Variants in STARD13 observed in about 807,000 individuals in gnomAD.
The protein encoded by STARD13 is stAR-related lipid transfer protein 13.
A neutral mutation model predicts 106.4 loss-of-function variants in STARD13; 62 were observed. The observed-to-expected ratio is 0.58, with a 90% CI of 0.48 to 0.72. STARD13 has a LOEUF of 0.72. Ranked by LOEUF, STARD13 falls within the 30% of genes least tolerant of loss-of-function variation. STARD13 has a pLI of 0.00. For missense variants in STARD13, 1,387 were observed against 1,424.0 expected (o/e 0.97, Z 0.42); for synonymous variants, 565 against 553.0 (o/e 1.02, Z -0.31).
the STARD13 span, among the ~76,000 whole-genome samples, chr13:33,406,262 C>T: frequency 1.2e-4 from 19 of 152,178 alleles, no homozygotes; most frequent in Non-Finnish European, 2.2e-4. Context: ...CTGACATAGC[C>T]GAAGAACAAT....
At chr13:33,434,334 T>C in the STARD13 span, among the ~76,000 whole-genome samples, 13 of 106,930 alleles carry the variant, frequency 1.2e-4, no homozygotes, top group Non-Finnish European at 1.9e-4. Context: ...GCCTGGATGA[T>C]AGAGCAAGAC....
At chr13:33,316,068 C>T (rs1397607753) in intron 1 of STARD13, among the ~76,000 whole-genome samples, 1 of 152,146 alleles carries the variant, frequency 6.6e-6, no homozygotes, top group Non-Finnish European at 1.5e-5. Context: ...AAATCACTGT[C>T]GTGATGTACA....
intron 1 of STARD13, among the ~76,000 whole-genome samples, chr13:33,253,644 C>T (rs1251087355): frequency 2.0e-5 from 3 of 152,186 alleles, no homozygotes; most frequent in Admixed American, 6.5e-5. Flanking sequence ...TTCTCGGCCA[C>T]CTCTGCTGAC....
chr13:33,393,941 C>T, the STARD13 span, among the ~76,000 whole-genome samples: 5 of 152,068 alleles, frequency 3.3e-5, no homozygotes, highest in Non-Finnish European at 7.4e-5. Context: ...AGCATTTTAC[C>T]GAGTAGTTCA....
At chr13:33,193,720 A>G (rs747027632) in intron 1 of STARD13, among the ~76,000 whole-genome samples, 5 of 152,176 alleles carry the variant, frequency 3.3e-5, no homozygotes, top group Non-Finnish European at 5.9e-5. Flanking sequence ...TGGCTGTGAC[A>G]TGGTATTTGA....
chr13:33,517,134 C>T, the STARD13 span, among the ~76,000 whole-genome samples: 1 of 151,874 alleles, frequency 6.6e-6, no homozygotes, highest in African/African-American at 2.4e-5. Flanking sequence ...ACCTATGGGG[C>T]TCAGTTTGAT....
chr13:33,624,577 G>C, the STARD13 span, among the ~76,000 whole-genome samples: 1 of 152,144 alleles, frequency 6.6e-6, no homozygotes, highest in South Asian at 2.1e-4. Context: ...CCCAGCATTG[G>C]AGATCTAGCA....
chr13:33,113,901 C>A (rs916529435), intron 8 of STARD13, among the ~76,000 whole-genome samples: 1 of 152,170 alleles, frequency 6.6e-6, no homozygotes, highest in African/African-American at 2.4e-5. Context: ...CCTCTCACTG[C>A]GAAAGACACC....
the STARD13 span, among the ~76,000 whole-genome samples, chr13:33,503,360 G>GT: frequency 3.9e-5 from 6 of 152,174 alleles, no homozygotes; most frequent in African/African-American, 9.6e-5. Flanking sequence ...TTTTTGAAGG[G>GT]TTTTTTGTGT....
chr13:33,639,673 T>C, the STARD13 span, among the ~76,000 whole-genome samples: 1 of 152,244 alleles, frequency 6.6e-6, no homozygotes. Flanking sequence ...AAACAGACTG[T>C]CACTTACTCC....
Position 33,130,103 on chromosome 13 carries a change from C to T in STARD13, c.574G>A (p.Glu192Lys), listed in dbSNP as rs769949937. The change falls in exon 5 of 14, where the codon GAG (glutamate) becomes AAG (lysine). Residue 192 changes from glutamate (E) to lysine (K), a missense_variant. By Grantham distance (56) the Glu-to-Lys change is moderately conservative. Coordinates refer to ENST00000336934, the MANE Select transcript of STARD13 (RefSeq NM_178006.4). The surrounding 1 kb of genome is among the most constrained non-coding windows in gnomAD (Gnocchi z 4.1). ...SSESVLTDLS[E>K]PEVCSIHSES... Reference sequence around the variant, plus strand: ...CTGTGAATGGAGCAGACCTCAGGCTCGCTCAGGTCTGTGAGGACGCTCTCA... The same window carrying T: ...CTGTGAATGGAGCAGACCTCAGGCTTGCTCAGGTCTGTGAGGACGCTCTCA... 5.0e-6 allele frequency: 8 copies of T among 1,614,032 alleles called. No individual in the cohort carries two copies. Among genetic ancestry groups the T allele is most frequent in the East Asian group, 2.2e-5 (1 of 44,874 alleles).
At chr13:33,151,649 C>G (rs565531325) in intron 3 of STARD13, among the ~76,000 whole-genome samples, 5 of 152,254 alleles carry the variant, frequency 3.3e-5, no homozygotes, top group African/African-American at 9.6e-5. Flanking sequence ...GGGGCTAGAT[C>G]ACAAAGGATT....
the STARD13 span, among the ~76,000 whole-genome samples, chr13:33,553,730 C>G: frequency 3.3e-5 from 5 of 151,750 alleles, no homozygotes; most frequent in East Asian, 9.7e-4. Context: ...CAGGCACCCA[C>G]CACCACGCCT....
the STARD13 span, among the ~76,000 whole-genome samples, chr13:33,613,624 T>C: frequency 6.6e-6 from 1 of 152,160 alleles, no homozygotes; most frequent in Non-Finnish European, 1.5e-5. Context: ...CCAAGCACCA[T>C]TGGTCTGGAA....
At chr13:33,231,807 AAC>A (rs1888938221) in intron 1 of STARD13, among the ~76,000 whole-genome samples, 1 of 152,130 alleles carries the variant, frequency 6.6e-6, no homozygotes, top group Admixed American at 6.5e-5. Context: ...TAAAGATTTT[AAC>A]AGTTTCATGA....
chr13:33,214,691 TGCACACATACACACAC>T (rs1566078751), intron 1 of STARD13, among the ~76,000 whole-genome samples: 1 of 112,594 alleles, frequency 8.9e-6, no homozygotes, highest in Admixed American at 1.1e-4. Flanking sequence ...CACACACACA[TGCACACATACACACAC>T]ACACACACAC....
rs928421291 is a variant in STARD13, at chr13:33,350,603, G to C, written c.-190C>G. 25 of 1,382,882 alleles carry C rather than the reference G, an allele frequency of 1.8e-5. No individual in the cohort carries two copies. The Middle Eastern group carries it at 1.2e-3, about 69-fold the overall frequency. The allele number at this position is 1,382,882 out of a possible 1,614,324, so 85.7% of individuals were successfully genotyped here. ...CCACGCGCGAGGACCGGGATGCCTG[G>C]CCACCAGAAACGCCGCGCTAGGTTA... On this transcript the variant is annotated 5_prime_UTR_variant, in exon 1 of 2. Transcript: ENST00000439831.
chr13:33,212,561 G>A (rs572567386), intron 1 of STARD13, among the ~76,000 whole-genome samples: 1 of 152,300 alleles, frequency 6.6e-6, no homozygotes, highest in Non-Finnish European at 1.5e-5. Context: ...GGCAGGTGCA[G>A]ATGTGCATGA....
chr13:33,182,418 C>A (rs1230620681), intron 1 of STARD13, among the ~76,000 whole-genome samples: 1 of 152,184 alleles, frequency 6.6e-6, no homozygotes, highest in African/African-American at 2.4e-5. Context: ...CCAGCACCTG[C>A]TGAATTTGAC....
Sources: gnomAD v4.1 joint callset for allele counts (sites outside exome capture counted in the v4.1 genomes callset) on GRCh38, gnomAD v4.1.1 for gene constraint, Gnocchi (gnomAD v3.1) non-coding constraint, MANE v1.5 for transcripts, NCBI Gene and HGNC (gene_info 2026-07-23, HGNC 2026-07-21) for gene names.